Variants in POTEF observed in about 807,000 individuals in gnomAD.
POTEF encodes POTE ankyrin domain family member F, also known as ANKRD26-like family C member 1B.
POTEF carries 20 observed loss-of-function variants against 83.2 expected under a neutral mutation model. The ratio of observed to expected loss-of-function variants is 0.24; its 90% CI spans 0.17 to 0.35. POTEF has a LOEUF of 0.35. Ranked by LOEUF, POTEF falls within the 10% of genes least tolerant of loss-of-function variation. The probability of loss-of-function intolerance (pLI) is 1.00; values close to 1 mark genes in which losing one functional copy is unlikely to be tolerated. For missense variants in POTEF, 550 were observed against 1,203.2 expected, an observed-to-expected ratio of 0.46 and a Z score of 8.03; for synonymous variants, 196 against 446.4, an observed-to-expected ratio of 0.44 and a Z score of 7.07.
intron 3 of POTEF, among the ~76,000 whole-genome samples, chr2:130,116,312 TA>T: frequency 6.6e-6 from 1 of 151,144 alleles, no homozygotes; most frequent in Middle Eastern, 3.4e-3. Flanking sequence ...TTTCTCCTTT[TA>T]AAACGGATTT....
chr2:130,076,179 A>G (rs1201975912), intron 16 of POTEF, among the ~76,000 whole-genome samples: 8 of 108,766 alleles, frequency 7.4e-5, no homozygotes, highest in Non-Finnish European at 1.3e-4. Context: ...TACACTGTAC[A>G]CATCTGTATC....
At position 130,120,606 on chromosome 2, in the gene POTEF, A is replaced by T; in HGVS notation, c.-91T>A. 6.3e-7 allele frequency: 1 copy of T among 1,591,880 alleles called. No homozygotes were observed. The highest frequency in any genetic ancestry group is 8.6e-7 in the Non-Finnish European group (1 of 1,169,288). On this transcript the variant is annotated splice_region_variant and 5_prime_UTR_variant, in exon 3 of 17. Coordinates refer to ENST00000409914, the MANE Select transcript of POTEF (RefSeq NM_001099771.2). ...AACTAGCAGGTAACTCCGGGTTTCCAATCTGTTTGAAGAGAAAAGTCAATC... is the reference window on the plus strand; with the variant it reads ...AACTAGCAGGTAACTCCGGGTTTCCTATCTGTTTGAAGAGAAAAGTCAATC...
At chr2:130,115,467 G>A in intron 3 of POTEF, 139 bp from the exon 4 acceptor site, 2 of 1,100,048 alleles carry the variant, frequency 1.8e-6, no homozygotes, top group Non-Finnish European at 2.6e-6. Flanking sequence ...CATGAAAAAA[G>A]CACACTATTT....
At position 130,112,106 on chromosome 2, in the gene POTEF, A is replaced by C; in HGVS notation, c.811-5T>G. ...TAACAGTGGTGTGAGGCCATGCTGT[A>C]AAACAATATAAAGCAAAAACCTATG... On this transcript the variant is annotated splice_polypyrimidine_tract_variant and splice_region_variant and intron_variant, in intron 5 of 16. Transcript: ENST00000409914. 1 of 1,477,650 alleles carries C rather than the reference A, an allele frequency of 6.8e-7. No individual in the cohort carries two copies. Among genetic ancestry groups the C allele is most frequent in the South Asian group, 1.2e-5 (1 of 84,554 alleles). The allele number at this position is 1,477,650 out of a possible 1,614,324, so 91.5% of individuals were successfully genotyped here. A position where few individuals can be genotyped will look rare whatever the true frequency, so the allele number is the denominator to read the frequency against.
chr2:130,103,964 C>A (rs1047744009), intron 8 of POTEF, among the ~76,000 whole-genome samples: 1 of 138,490 alleles, frequency 7.2e-6, no homozygotes, highest in African/African-American at 2.9e-5. Context: ...TTATGAAAGC[C>A]TTATGTGTAA....
intron 6 of POTEF, among the ~76,000 whole-genome samples, chr2:130,111,253 TC>T (rs1316021418): frequency 2.0e-5 from 3 of 150,650 alleles, no homozygotes; most frequent in Admixed American, 1.3e-4. Flanking sequence ...GTAAATAACG[TC>T]CCCAAGGTCA....
intron 3 of POTEF, among the ~76,000 whole-genome samples, chr2:130,119,330 A>AT (rs1185728838): frequency 6.6e-6 from 1 of 151,460 alleles, no homozygotes; most frequent in Non-Finnish European, 1.5e-5. Flanking sequence ...CACCCGGCTA[A>AT]TTTTTTTTAT....
At chr2:130,102,734 T>A (rs538857282) in intron 8 of POTEF, among the ~76,000 whole-genome samples, 1 of 151,108 alleles carries the variant, frequency 6.6e-6, no homozygotes, top group East Asian at 1.9e-4. Context: ...AAATGCATAC[T>A]ATTCGCAAGT....
Position 130,122,893 on chromosome 2 carries a change from T to C in POTEF, c.-93-2285A>G, listed in dbSNP as rs1461642496. ...TTTTGTAACTCTCAACTTTATTGAA[T>C]ATAGTGTTTATCAGCTGTAATGGGT... On this transcript the variant is annotated intron_variant, in intron 2 of 16. Transcript: ENST00000409914. Among the ~76,000 whole-genome samples the C allele has an allele frequency of 2.0e-5, 3 of 151,612 alleles. 1 individual carries two copies. Among genetic ancestry groups the C allele is most frequent in the African/African-American group, 7.3e-5 (3 of 41,086 alleles).
intron 8 of POTEF, among the ~76,000 whole-genome samples, chr2:130,105,340 T>C (rs1295798721): frequency 6.6e-6 from 1 of 151,624 alleles, no homozygotes; most frequent in African/African-American, 2.4e-5. Context: ...GTAGTTGAGA[T>C]TCCTAACTTT....
chr2:130,095,121 G>A (rs1475762518), intron 11 of POTEF, among the ~76,000 whole-genome samples: 3 of 78,006 alleles, frequency 3.8e-5, no homozygotes, highest in Admixed American at 3.6e-4. Context: ...TCCGCCTCCC[G>A]GGTTCATGCC....
chr2:130,114,366 TTCTGATTGC>T (rs1684786803), intron 5 of POTEF, among the ~76,000 whole-genome samples: 2 of 150,144 alleles, frequency 1.3e-5, no homozygotes, highest in Non-Finnish European at 3.0e-5. Context: ...GCCTTGATAT[TTCTGATTGC>T]TCTCTTTTTT....
intron 2 of POTEF, 54 bp downstream of exon 2, chr2:130,127,655 A>C (rs1685130096): frequency 6.5e-6 from 1 of 152,862 alleles, no homozygotes; most frequent in East Asian, 1.9e-4. Context: ...CCATCAATGC[A>C]GCAGCCCACC....
intron 2 of POTEF, among the ~76,000 whole-genome samples, chr2:130,121,358 A>G (rs1685000202): frequency 6.8e-6 from 1 of 146,004 alleles, no homozygotes; most frequent in Non-Finnish European, 1.5e-5. Flanking sequence ...CTGGAACTTG[A>G]GGATGCTGAC....
intron 15 of POTEF, among the ~76,000 whole-genome samples, chr2:130,082,966 T>C (rs1267479392): frequency 2.1e-5 from 1 of 47,648 alleles, no homozygotes; most frequent in South Asian, 7.3e-4. Flanking sequence ...TGGGATGATA[T>C]AGAGATCTGG....
In POTEF at chr2:130,120,373, T is replaced by C; in HGVS notation, c.143A>G (p.Asp48Gly). 1.2e-6 allele frequency: 2 copies of C among 1,601,186 alleles called. No individual in the cohort carries two copies. Among genetic ancestry groups the C allele is most frequent in the Non-Finnish European group, 1.7e-6 (2 of 1,171,052 alleles). The change falls in exon 3 of 17, where the codon GAC becomes GGC. Residue 48 changes from aspartate to glycine, a missense_variant. Physicochemically the swap from Asp to Gly is moderately conservative, Grantham distance 94 (BLOSUM62 -1). Transcript: ENST00000409914. The stretch of plus-strand genomic sequence containing the variant: ...TGTCTTCATAGCAGAGTCGTCGTGG[T>C]CTCCAGAAGTGCCCACGTTGCTCTT... ...SGKSNVGTSG[D>G]HDDSAMKTLR...
intron 2 of POTEF, chr2:130,121,016 G>A (rs1414526209): frequency 9.1e-6 from 2 of 220,516 alleles, no homozygotes; most frequent in African/African-American, 5.9e-5. Flanking sequence ...CGCGCGTGCG[G>A]CGTGCGCGTG....
chr2:130,115,587 T>TCA (rs1458657356), intron 3 of POTEF, among the ~76,000 whole-genome samples: 1 of 152,154 alleles, frequency 6.6e-6, no homozygotes, highest in East Asian at 1.9e-4. Context: ...TGAAGCTCTG[T>TCA]CACTTCCTGG....
chr2:130,122,863 G>T (rs1172967906), intron 2 of POTEF, among the ~76,000 whole-genome samples: 3 of 151,876 alleles, frequency 2.0e-5, no homozygotes, highest in African/African-American at 7.3e-5. Flanking sequence ...AGAAGCCAAT[G>T]TTAATTTTGT....
Sources: gnomAD v4.1 joint callset for allele counts (sites outside exome capture counted in the v4.1 genomes callset) on GRCh38, gnomAD v4.1.1 for gene constraint, MANE v1.5 for transcripts, NCBI Gene and HGNC (gene_info 2026-07-23, HGNC 2026-07-21) for gene names.